The following SYNPO2L variants were observed in gnomAD, a reference collection of about 807,000 sequenced individuals.
The protein encoded by SYNPO2L is synaptopodin 2 like, also known as synaptopodin 2-like protein.
A neutral mutation model predicts 47.5 loss-of-function variants in SYNPO2L; 34 were observed. The ratio of observed to expected loss-of-function variants is 0.72; its 90% CI spans 0.54 to 0.95. The LOEUF (loss-of-function observed/expected upper bound fraction) is 0.95, where lower values mean the gene tolerates loss of function less well. Ranked by LOEUF, SYNPO2L falls within the 40% of genes least tolerant of loss-of-function variation. The pLI is 0.00. For missense variants in SYNPO2L, 1,246 were observed against 1,282.0 expected (o/e 0.97, Z 0.43); for synonymous variants, 536 against 524.9 (o/e 1.02, Z -0.29).
rs147496894 is a variant in SYNPO2L, at chr10:73,647,278, T to G, written c.2374A>C (p.Thr792Pro). ...LGPRPRSPSP[T>P]PSLPPSWKYS... The stretch of plus-strand genomic sequence containing the variant: ...TTCCAGGAAGGGGGCAGAGACGGGG[T>G]AGGAGAAGGACTTCTAGGCCGAGGG... The change falls in exon 4 of 4, where the codon ACC (threonine) becomes CCC (proline). Residue 792 changes from threonine (T) to proline (P), a missense_variant. Thr to Pro is a conservative substitution (Grantham distance 38). Coordinates refer to ENST00000394810, the MANE Select transcript of SYNPO2L (RefSeq NM_001114133.3). The G allele has an allele frequency of 6.2e-7, 1 of 1,613,520 alleles. No individual in the cohort carries two copies. Among genetic ancestry groups the G allele is most frequent in the Non-Finnish European group, 8.5e-7 (1 of 1,179,852 alleles).
Position 73,648,101 on chromosome 10 carries a change from AG to A in SYNPO2L, c.1550del (p.Pro517LeufsTer28). The A allele has an allele frequency of 1.4e-6, 2 of 1,451,408 alleles. No individual in the cohort carries two copies. The highest frequency in any genetic ancestry group is 2.6e-5 in the East Asian group (1 of 38,004). The allele number at this position is 1,451,408 out of a possible 1,614,324, so 89.9% of individuals were successfully genotyped here. A position where few individuals can be genotyped will look rare whatever the true frequency, so the allele number is the denominator to read the frequency against. ...GAACCCCTGAAGTGAAGCTGGGCAGAGGGGTGGGCCCCTGCGAAGACAAGAA... is the reference window on the plus strand; with the variant it reads ...GAACCCCTGAAGTGAAGCTGGGCAGAGGGTGGGCCCCTGCGAAGACAAGAA... ...PPFLSSQGPT[P>X]LPSFTSGVPS... On this transcript the variant is annotated frameshift_variant, in exon 4 of 4. Transcript: ENST00000394810. LOFTEE classifies it low-confidence loss of function (END_TRUNC).
rs369315169 is a variant in SYNPO2L at position 73,647,903 on chromosome 10, G to A, written c.1749C>T (p.Phe583=). Residue 583 remains phenylalanine, a synonymous_variant, in exon 4 of 4, where the codon TTC becomes TTT. Coordinates refer to ENST00000394810, the MANE Select transcript of SYNPO2L (RefSeq NM_001114133.3). ...AAAMTSTASI[F]LSAPLRPSAR... ...CAGAGGGTCGCAAAGGCGCAGATAGGAAGATAGAAGCGGTGGAGGTCATGG... is the reference window on the plus strand; with the variant it reads ...CAGAGGGTCGCAAAGGCGCAGATAGAAAGATAGAAGCGGTGGAGGTCATGG... The A allele has an allele frequency of 4.6e-5, 71 of 1,529,566 alleles. No individual in the cohort carries two copies. Among genetic ancestry groups the A allele is most frequent in the East Asian group, 4.5e-4 (20 of 44,192 alleles). The allele number at this position is 1,529,566 out of a possible 1,614,324, so 94.7% of individuals were successfully genotyped here.
Position 73,647,553 on chromosome 10 carries a change from T to G in SYNPO2L, c.2099A>C (p.His700Pro). The G allele has an allele frequency of 6.2e-7, 1 of 1,604,130 alleles. No individual in the cohort carries two copies. ...VGARSYKTLP[H>P]VTPKTPPPMA... ...TGGAGGGGGGGTCTTAGGTGTCACG[T>G]GAGGCAGGGTCTTGTAACTCCTGGC... Residue 700 changes from histidine (H) to proline (P), a missense_variant, in exon 4 of 4, where the codon CAC becomes CCC. Transcript: ENST00000394810.
Position 73,648,551 on chromosome 10 carries a change from T to C in SYNPO2L, c.1101A>G (p.Arg367=). The C allele has an allele frequency of 3.7e-6, 6 of 1,614,128 alleles. No individual in the cohort carries two copies. Among genetic ancestry groups the C allele is most frequent in the Non-Finnish European group, 5.1e-6 (6 of 1,180,000 alleles). ...LDMELARAGS[R]ASEGQGSGLG... Reference sequence around the variant, plus strand: ...GCCCAGAGCCCTGGCCCTCTGATGCTCTTGAGCCCGCCCTGGCAAGCTCCA... The same window carrying C: ...GCCCAGAGCCCTGGCCCTCTGATGCCCTTGAGCCCGCCCTGGCAAGCTCCA... The change falls in exon 4 of 4, where the codon AGA becomes AGG. Residue 367 remains arginine, a synonymous_variant. Transcript: ENST00000394810.
chr10:73,654,304 T>C, intron 1 of SYNPO2L, 24 bp from the exon 2 acceptor site: 3 of 1,550,130 alleles, frequency 1.9e-6, no homozygotes, highest in Non-Finnish European at 2.6e-6. Context: ...GGAGACACTG[T>C]AGGTAAGAGG....
At chr10:73,652,334 C>G (rs1309341405) in intron 3 of SYNPO2L, among the ~76,000 whole-genome samples, 1 of 151,852 alleles carries the variant, frequency 6.6e-6, no homozygotes, top group South Asian at 2.1e-4. Context: ...AAAATTTTTA[C>G]TGGAGACGAA....
chr10:73,650,065 G>A lies in SYNPO2L; in HGVS notation c.773-1186C>T, dbSNP rs553913223. On this transcript the variant is annotated intron_variant, in intron 3 of 3. Coordinates refer to ENST00000394810, the MANE Select transcript of SYNPO2L (RefSeq NM_001114133.3). The stretch of plus-strand genomic sequence containing the variant: ...AGGGCAGGGCTTTCCATGCCATGTG[G>A]GGCCTGGGTAGGTGGGGCCAGGAAA... The A allele has an allele frequency of 4.2e-5, 41 of 985,378 alleles. No individual in the cohort carries two copies. The African/African-American group carries it at 5.2e-4, about 13-fold the overall frequency. The allele number at this position is 985,378 out of a possible 1,614,324, so 61.0% of individuals were successfully genotyped here. A position where few individuals can be genotyped will look rare whatever the true frequency, so the allele number is the denominator to read the frequency against.
intron 1 of SYNPO2L, among the ~76,000 whole-genome samples, chr10:73,654,825 G>A (rs2081866556): frequency 6.6e-6 from 1 of 150,854 alleles, no homozygotes; most frequent in Non-Finnish European, 1.5e-5. Flanking sequence ...GGGCAACAGA[G>A]TAAGACTCTG....
rs1185761859 is a variant in SYNPO2L at position 73,645,030 on chromosome 10, AG to A, written c.*1687del. ...AGAAGGGAGTCCATACTAAGATTGG[AG>A]ATCAGGACCTGAAGCTGAAAAGAAG... On this transcript the variant is annotated 3_prime_UTR_variant, in exon 4 of 4. Transcript: ENST00000394810. The A allele has an allele frequency of 1.6e-6, 2 of 1,266,622 alleles. No homozygotes were observed. Among genetic ancestry groups the A allele is most frequent in the African/African-American group, 3.2e-5 (2 of 63,254 alleles). The allele number at this position is 1,266,622 out of a possible 1,614,324, so 78.5% of individuals were successfully genotyped here.
chr10:73,650,957 A>G (rs1320032107), intron 3 of SYNPO2L: 7 of 1,613,730 alleles, frequency 4.3e-6, no homozygotes, highest in Admixed American at 1.7e-5. Flanking sequence ...GGGCTTTGTC[A>G]TAGCTGGCTT....
At chr10:73,651,081 T>G in intron 3 of SYNPO2L, 1 of 1,509,768 alleles carries the variant, frequency 6.6e-7, no homozygotes, top group Non-Finnish European at 8.9e-7. Flanking sequence ...CCCCTTTGTC[T>G]TGTCCCCAGA....
chr10:73,649,112 C>G (rs1460766203), intron 3 of SYNPO2L, among the ~76,000 whole-genome samples: 1 of 152,112 alleles, frequency 6.6e-6, no homozygotes, highest in African/African-American at 2.4e-5. Flanking sequence ...CTGCTCTGAC[C>G]ACAGCTCTTC....
At position 73,647,006 on chromosome 10, in the gene SYNPO2L, G is replaced by C. The variant is rs118159842; in HGVS notation, c.2646C>G (p.Ala882=). 3,408 of 1,613,440 alleles carry C rather than the reference G, an allele frequency of 2.1e-3. 76 individuals are homozygous for C. The East Asian group carries it at 0.05, about 24-fold the overall frequency. ...GPIASGSPKT[A]RVQEIRRFST... is the part of the protein sequence containing the mutation. The stretch of plus-strand genomic sequence containing the variant: ...AAAACCGGCGAATCTCCTGGACTCG[G>C]GCAGTTTTGGGGGACCCTGAGGCGA... Residue 882 remains alanine, a synonymous_variant, in exon 4 of 4, where the codon GCC becomes GCG. Coordinates refer to ENST00000394810, the MANE Select transcript of SYNPO2L (RefSeq NM_001114133.3).
Position 73,647,867 on chromosome 10 carries a change from C to T in SYNPO2L, c.1785G>A (p.Glu595=). ...GAGCCCCTGGGCCTGGGGCAGGCGC[C>T]TCTGGGCGCGCAGAGGGTCGCAAAG... ...SAPLRPSARP[E]APAPGPGAPE... Residue 595 remains glutamate, a synonymous_variant, in exon 4 of 4, where the codon GAG becomes GAA. Transcript: ENST00000394810. The T allele has an allele frequency of 1.3e-6, 2 of 1,536,414 alleles. No individual in the cohort carries two copies. Among genetic ancestry groups the T allele is most frequent in the Non-Finnish European group, 1.7e-6 (2 of 1,145,760 alleles).
Position 73,648,191 on chromosome 10 carries a change from GA to G in SYNPO2L, c.1460del (p.Phe487SerfsTer4). On this transcript the variant is annotated frameshift_variant, in exon 4 of 4. Transcript: ENST00000394810. LOFTEE classifies it low-confidence loss of function (END_TRUNC). ...TCGCCCTTTTGGGGGCTAAAGGCCGGAAAATAACCGAGGTGGTAGTTGGCCG... is the reference window on the plus strand; with the variant it reads ...TCGCCCTTTTGGGGGCTAAAGGCCGGAAATAACCGAGGTGGTAGTTGGCCG... ...GQRPTTTSVI[F>X]RPLAPKRAND... 2 of 1,570,016 alleles carry G rather than the reference GA, an allele frequency of 1.3e-6. No individual in the cohort carries two copies.
rs2081737682 is a variant in SYNPO2L at position 73,645,523 on chromosome 10, T to C, written c.*1195A>G. On this transcript the variant is annotated 3_prime_UTR_variant, in exon 4 of 4. Coordinates refer to ENST00000394810, the MANE Select transcript of SYNPO2L (RefSeq NM_001114133.3). The stretch of plus-strand genomic sequence containing the variant: ...TTCTCGGAGGGAATTTTCTTTCTTT[T>C]TTTCATTTCCTGGGTACTGGGTTGC... The C allele has an allele frequency of 2.0e-6, 2 of 996,036 alleles. No individual in the cohort carries two copies. 61.7% of individuals were successfully genotyped at this position (996,036 alleles called of 1,614,324 possible). A position where few individuals can be genotyped will look rare whatever the true frequency, so the allele number is the denominator to read the frequency against.
intron 3 of SYNPO2L, chr10:73,650,109 G>T (rs1474815035): frequency 1.0e-6 from 1 of 985,298 alleles, no homozygotes; most frequent in African/African-American, 1.7e-5. Context: ...CTACCCTGCT[G>T]CGAGGACCCC....
At position 73,648,644 on chromosome 10, in the gene SYNPO2L, G is replaced by A. The variant is rs2132419305; in HGVS notation, c.1008C>T (p.Asp336=). The A allele has an allele frequency of 4.3e-6, 7 of 1,613,532 alleles. No homozygotes were observed. The highest frequency in any genetic ancestry group is 4.5e-5 in the East Asian group (2 of 44,854). Residue 336 remains aspartate (D), a synonymous_variant, in exon 4 of 4, where the codon GAC becomes GAT. Coordinates refer to ENST00000394810, the MANE Select transcript of SYNPO2L (RefSeq NM_001114133.3). ...GVPPTSESEL[D]EEAFSDARSL... ...TGCGGGCGTCAGAGAAGGCTTCTTC[G>A]TCCAGCTCGGACTCACTCGTGGGGG...
rs756432248 is a variant in SYNPO2L at position 73,648,929 on chromosome 10, T to C, written c.773-50A>G. 8 of 1,453,028 alleles carry C rather than the reference T, an allele frequency of 5.5e-6. No homozygotes were observed. In the Admixed American group the frequency reaches 7.8e-5, roughly 14 times the overall value. The allele number at this position is 1,453,028 out of a possible 1,614,324, so 90.0% of individuals were successfully genotyped here. A position where few individuals can be genotyped will look rare whatever the true frequency, so the allele number is the denominator to read the frequency against. On this transcript the variant is annotated intron_variant, in intron 3 of 3. Coordinates refer to ENST00000394810, the MANE Select transcript of SYNPO2L (RefSeq NM_001114133.3). ...GTCAGGGGGGCTTCCCAGCCTCTTT[T>C]AGTCCTGTTCCCCAAGGCTTTCACC... is the stretch of plus-strand genomic sequence containing the variant.
Sources: gnomAD v4.1 joint callset for allele counts (sites outside exome capture counted in the v4.1 genomes callset) on GRCh38, gnomAD v4.1.1 for gene constraint, MANE v1.5 for transcripts, NCBI Gene and HGNC (gene_info 2026-07-23, HGNC 2026-07-21) for gene names.